Variants in GPC5 observed in about 807,000 individuals in gnomAD.
GPC5 encodes glypican-5.
Under a neutral mutation model 53.9 loss-of-function variants are expected in GPC5, and 47 were observed. The observed-to-expected ratio is 0.87, with a 90% CI of 0.69 to 1.11. The LOEUF is 1.11. GPC5 is among the 50% of genes most tolerant of loss of function. The pLI is 0.00. For synonymous variants in GPC5, 286 were observed against 263.3 expected, an observed-to-expected ratio of 1.09 and a Z score of -0.84; for missense variants, 748 against 713.1, an observed-to-expected ratio of 1.05 and a Z score of -0.56.
chr13:92,634,027 A>G (rs924426895), intron 7 of GPC5, among the ~76,000 whole-genome samples: 1 of 152,122 alleles, frequency 6.6e-6, no homozygotes, highest in African/African-American at 2.4e-5. Context: ...TTTGGAGATA[A>G]TACTGTGATA....
intron 7 of GPC5, among the ~76,000 whole-genome samples, chr13:92,424,086 G>T (rs949848618): frequency 2.0e-5 from 3 of 152,066 alleles, no homozygotes; most frequent in Admixed American, 1.3e-4. Flanking sequence ...CTTTCCCCTT[G>T]AGAAATGTAT....
intron 7 of GPC5, among the ~76,000 whole-genome samples, chr13:92,820,880 A>C (rs1358713948): frequency 6.6e-6 from 1 of 152,174 alleles, no homozygotes; most frequent in East Asian, 1.9e-4. Context: ...AATTATCATC[A>C]TCACTATTTT....
At chr13:92,694,623 C>T (rs564586432) in intron 7 of GPC5, among the ~76,000 whole-genome samples, 1 of 152,294 alleles carries the variant, frequency 6.6e-6, no homozygotes, top group Non-Finnish European at 1.5e-5. Context: ...GGTGCCTGTA[C>T]CCACATTGCA....
intron 5 of GPC5, among the ~76,000 whole-genome samples, chr13:91,791,229 G>C (rs1259580542): frequency 2.0e-5 from 3 of 152,124 alleles, no homozygotes; most frequent in Admixed American, 2.0e-4. Flanking sequence ...CAGAGCCAAG[G>C]GCCCATCTGA....
chr13:92,527,150 AAGAAAGAAAGAAAGAAAGAAAG>A (rs1881331716), intron 7 of GPC5, among the ~76,000 whole-genome samples: 5 of 125,388 alleles, frequency 4.0e-5, no homozygotes, highest in East Asian at 2.3e-4. Context: ...GAAAGAAAGA[AAGAAAGAAAGAAAGAAAGAAAG>A]AGAAAGAAAG....
intron 2 of GPC5, among the ~76,000 whole-genome samples, chr13:91,626,888 A>T (rs113926645): frequency 0.044 from 6,684 of 151,758 alleles, 488 homozygotes; most frequent in African/African-American, 0.15. Context: ...TCTCATTGTT[A>T]AATTCCTACC....
chr13:92,679,049 A>T (rs943869585), intron 7 of GPC5, among the ~76,000 whole-genome samples: 1 of 152,160 alleles, frequency 6.6e-6, no homozygotes, highest in Non-Finnish European at 1.5e-5. Context: ...GATGTGGGAA[A>T]CAGGTGAAGA....
intron 7 of GPC5, among the ~76,000 whole-genome samples, chr13:92,520,539 G>T (rs925283251): frequency 3.3e-5 from 5 of 151,950 alleles, no homozygotes; most frequent in African/African-American, 1.2e-4. Flanking sequence ...CCACATGATT[G>T]TCTCAATAGA....
chr13:92,786,786 C>T (rs1207833543), intron 7 of GPC5, among the ~76,000 whole-genome samples: 1 of 152,082 alleles, frequency 6.6e-6, no homozygotes, highest in Non-Finnish European at 1.5e-5. Context: ...ATTAAAGCCC[C>T]GGACCAGACT....
At chr13:91,409,100 G>T (rs1380362656) in intron 1 of GPC5, among the ~76,000 whole-genome samples, 1 of 152,072 alleles carries the variant, frequency 6.6e-6, no homozygotes, top group African/African-American at 2.4e-5. Flanking sequence ...TTTGCTCTTT[G>T]AATAACTCTC....
intron 2 of GPC5, among the ~76,000 whole-genome samples, chr13:91,580,619 G>C (rs1437696688): frequency 6.6e-6 from 1 of 151,856 alleles, no homozygotes; most frequent in Non-Finnish European, 1.5e-5. Flanking sequence ...GTAACTGTTT[G>C]ACATAGAAAC....
Position 92,677,888 on chromosome 13 carries a change from T to C in GPC5, c.1562-188394T>C, listed in dbSNP as rs537739704. Among the ~76,000 whole-genome samples the C allele has an allele frequency of 3.3e-5, 5 of 152,214 alleles. No individual in the cohort carries two copies. The South Asian group carries it at 1.0e-3, about 32-fold the overall frequency. Reference sequence around the variant, plus strand: ...CTTCACTAATCTTCAGCTCGGTGGGTCCCATAGGGTTGTCATATTTGAAAA... The same window carrying C: ...CTTCACTAATCTTCAGCTCGGTGGGCCCCATAGGGTTGTCATATTTGAAAA... On this transcript the variant is annotated intron_variant, in intron 7 of 7. Transcript: ENST00000377067.
At chr13:92,193,667 G>T (rs2042238690) in intron 7 of GPC5, among the ~76,000 whole-genome samples, 1 of 152,194 alleles carries the variant, frequency 6.6e-6, no homozygotes, top group African/African-American at 2.4e-5. Flanking sequence ...CACTCCTACT[G>T]GTGTGCTAAG....
At chr13:92,644,897 G>A (rs531649461) in intron 7 of GPC5, among the ~76,000 whole-genome samples, 2 of 151,796 alleles carry the variant, frequency 1.3e-5, no homozygotes, top group African/African-American at 4.8e-5. Flanking sequence ...AATGGAAGGA[G>A]GTGAGATTGC....
chr13:92,334,556 A>T, intron 7 of GPC5, among the ~76,000 whole-genome samples: 1 of 152,166 alleles, frequency 6.6e-6, no homozygotes, highest in Admixed American at 6.5e-5. Flanking sequence ...AGTCCCTCAG[A>T]GTCTTAAATC....
intron 6 of GPC5, among the ~76,000 whole-genome samples, chr13:92,105,272 A>G (rs1304143727): frequency 6.6e-6 from 1 of 152,140 alleles, no homozygotes; most frequent in African/African-American, 2.4e-5. Context: ...CTATTTTGCA[A>G]GTAATCAATG....
At chr13:92,283,758 T>C (rs2042933389) in intron 7 of GPC5, among the ~76,000 whole-genome samples, 1 of 152,156 alleles carries the variant, frequency 6.6e-6, no homozygotes. Context: ...TAGAGGGAAA[T>C]TTTTAGCACT....
chr13:91,915,576 G>A (rs1017119078), intron 6 of GPC5, among the ~76,000 whole-genome samples: 2 of 152,086 alleles, frequency 1.3e-5, no homozygotes, highest in African/African-American at 4.8e-5. Context: ...GACTTGAGCT[G>A]TTTTTCTGCC....
At chr13:91,685,588 A>G (rs2035604258) in intron 2 of GPC5, among the ~76,000 whole-genome samples, 1 of 152,174 alleles carries the variant, frequency 6.6e-6, no homozygotes. Context: ...TAAATCATTT[A>G]TATATCTGTT....
Sources: gnomAD v4.1 joint callset for allele counts (sites outside exome capture counted in the v4.1 genomes callset) on GRCh38, gnomAD v4.1.1 for gene constraint, MANE v1.5 for transcripts, NCBI Gene and HGNC (gene_info 2026-07-23, HGNC 2026-07-21) for gene names.